The following CSMD1 variants were observed in gnomAD, a reference collection of about 807,000 sequenced individuals.
CSMD1 encodes the protein CUB and sushi domain-containing protein 1.
In CSMD1, 213 loss-of-function variants were observed where a neutral mutation model predicts 417.5. The ratio of observed to expected loss-of-function variants is 0.51; its 90% CI spans 0.46 to 0.57. The LOEUF is 0.57. Ranked by LOEUF, CSMD1 falls within the 20% of genes least tolerant of loss-of-function variation. The pLI, the probability that CSMD1 is intolerant of heterozygous loss-of-function variation, is 0.00. For missense variants in CSMD1, 6,923 were observed against 4,529.7 expected, an observed-to-expected ratio of 1.53 and a Z score of -15.17; for synonymous variants, 2,862 against 1,736.8, an observed-to-expected ratio of 1.65 and a Z score of -16.11.
At chr8:4,706,668 T>G (rs1264253319) in intron 1 of CSMD1, among the ~76,000 whole-genome samples, 1 of 152,172 alleles carries the variant, frequency 6.6e-6, no homozygotes, top group Non-Finnish European at 1.5e-5. Flanking sequence ...TTTCTAGTCA[T>G]CAATGTGGCT....
intron 1 of CSMD1, among the ~76,000 whole-genome samples, chr8:4,692,952 C>A (rs939721735): frequency 6.6e-5 from 10 of 152,176 alleles, no homozygotes; most frequent in African/African-American, 2.4e-4. Context: ...GGCCAATCCC[C>A]AAGAGGTCAC....
chr8:4,854,996 G>A (rs1279512443), intron 1 of CSMD1, among the ~76,000 whole-genome samples: 2 of 152,196 alleles, frequency 1.3e-5, no homozygotes, highest in East Asian at 1.9e-4. Flanking sequence ...AGTAACCTCT[G>A]CAGACTTAAA....
chr8:3,966,324 G>A (rs1211084432), intron 5 of CSMD1, among the ~76,000 whole-genome samples: 1 of 152,078 alleles, frequency 6.6e-6, no homozygotes, highest in Non-Finnish European at 1.5e-5. Context: ...GAAAGAAATA[G>A]CATCTTGCTC....
chr8:3,167,722 T>G (rs892739221), intron 37 of CSMD1, among the ~76,000 whole-genome samples: 1 of 152,222 alleles, frequency 6.6e-6, no homozygotes, highest in African/African-American at 2.4e-5. Context: ...ATGAGTGTCC[T>G]AATTTGACCA....
chr8:3,950,750 ATC>A (rs1811547228), intron 5 of CSMD1, among the ~76,000 whole-genome samples: 1 of 151,512 alleles, frequency 6.6e-6, no homozygotes, highest in African/African-American at 2.4e-5. Context: ...AATCTTTTTT[ATC>A]TCTTACCTCA....
intron 3 of CSMD1, among the ~76,000 whole-genome samples, chr8:4,136,470 A>G (rs974712473): frequency 2.0e-5 from 3 of 152,194 alleles, no homozygotes; most frequent in Admixed American, 6.5e-5. Flanking sequence ...GTGTGTTAGC[A>G]AACCAAAGAA....
chr8:4,606,929 A>T (rs1446307369), intron 2 of CSMD1, among the ~76,000 whole-genome samples: 1 of 152,232 alleles, frequency 6.6e-6, no homozygotes, highest in East Asian at 1.9e-4. Flanking sequence ...TTCATTGTAC[A>T]TGAGTAGATA....
At chr8:3,640,815 C>T (rs1174131210) in intron 7 of CSMD1, among the ~76,000 whole-genome samples, 1 of 152,004 alleles carries the variant, frequency 6.6e-6, no homozygotes, top group Non-Finnish European at 1.5e-5. Flanking sequence ...GATGGAAAGA[C>T]CAGAGCAGGG....
intron 5 of CSMD1, among the ~76,000 whole-genome samples, chr8:3,913,369 G>C (rs892321840): frequency 5.3e-5 from 8 of 152,084 alleles, no homozygotes; most frequent in African/African-American, 1.9e-4. Flanking sequence ...GAAGCAACAA[G>C]CACAAAGGGA....
chr8:3,175,525 C>T (rs1220366516), intron 37 of CSMD1, among the ~76,000 whole-genome samples: 34 of 117,234 alleles, frequency 2.9e-4, no homozygotes, highest in African/African-American at 9.4e-4. Context: ...TCCTTCCTTC[C>T]TTCCTTCCTT....
intron 8 of CSMD1, among the ~76,000 whole-genome samples, chr8:3,591,847 G>C (rs1158289451): frequency 6.6e-6 from 1 of 152,100 alleles, no homozygotes; most frequent in Non-Finnish European, 1.5e-5. Context: ...ACATAGATTA[G>C]ATAGATAAAT....
chr8:4,052,361 T>G (rs542425859), intron 3 of CSMD1, among the ~76,000 whole-genome samples: 4 of 152,228 alleles, frequency 2.6e-5, no homozygotes, highest in African/African-American at 9.6e-5. Context: ...CACTCACGTG[T>G]ATGCTATTTT....
chr8:4,268,493 G>C (rs1452705579), intron 3 of CSMD1, among the ~76,000 whole-genome samples: 1 of 152,098 alleles, frequency 6.6e-6, no homozygotes, highest in African/African-American at 2.4e-5. Context: ...TAAGTATTTT[G>C]TAGTATTTAG....
intron 3 of CSMD1, among the ~76,000 whole-genome samples, chr8:4,230,016 C>T (rs964751475): frequency 3.9e-5 from 6 of 152,172 alleles, no homozygotes. Flanking sequence ...TATGATTTTG[C>T]TATTCAACAT....
At chr8:4,351,101 C>T (rs542740721) in intron 3 of CSMD1, among the ~76,000 whole-genome samples, 35 of 152,082 alleles carry the variant, frequency 2.3e-4, no homozygotes, top group African/African-American at 8.4e-4. Context: ...AGAGGATCGC[C>T]TGAGCCCAGG....
intron 10 of CSMD1, among the ~76,000 whole-genome samples, chr8:3,568,300 T>C (rs1465814483): frequency 6.6e-6 from 1 of 152,192 alleles, no homozygotes; most frequent in Non-Finnish European, 1.5e-5. Context: ...ATGTGTGCTG[T>C]TGTCAATGGC....
At chr8:4,768,576 G>A (rs902758961) in intron 1 of CSMD1, among the ~76,000 whole-genome samples, 3 of 152,084 alleles carry the variant, frequency 2.0e-5, no homozygotes, top group South Asian at 2.1e-4. Flanking sequence ...TGGATTGCAC[G>A]AGCTCAGAGC....
intron 41 of CSMD1, among the ~76,000 whole-genome samples, chr8:3,120,203 A>G (rs1432370629): frequency 6.6e-5 from 10 of 152,174 alleles, no homozygotes; most frequent in East Asian, 1.9e-4. Context: ...CAGAGGGGCC[A>G]GCAGACAGGG....
chr8:4,310,126 G>T (rs190534532), intron 3 of CSMD1, among the ~76,000 whole-genome samples: 23 of 152,240 alleles, frequency 1.5e-4, no homozygotes, highest in African/African-American at 5.5e-4. Context: ...ATTCATCCCT[G>T]CTCCTAGTAA....
Sources: gnomAD v4.1 joint callset for allele counts (sites outside exome capture counted in the v4.1 genomes callset) on GRCh38, gnomAD v4.1.1 for gene constraint, MANE v1.5 for transcripts, NCBI Gene and HGNC (gene_info 2026-07-23, HGNC 2026-07-21) for gene names.